ADNP: variants seen among roughly 807,000 people sequenced by gnomAD.
ADNP encodes activity-dependent neuroprotector homeobox protein.
A neutral mutation model predicts 84.9 loss-of-function variants in ADNP; 4 were observed. The ratio of observed to expected loss-of-function variants is 0.05; its 90% CI spans 0.02 to 0.11. ADNP has a LOEUF of 0.11. ADNP is among the 10% of genes least tolerant of loss of function. The pLI, the probability that ADNP is intolerant of heterozygous loss-of-function variation, is 1.00. For missense variants in ADNP, 1,132 were observed against 1,326.0 expected (o/e 0.85, Z 2.27); for synonymous variants, 554 against 468.1 (o/e 1.18, Z -2.37).
At chr20:50,914,136 T>C (rs1262066026) in intron 2 of ADNP, 2 of 770,094 alleles carry the variant, frequency 2.6e-6, no homozygotes, top group East Asian at 4.9e-5. Context: ...GTAAGGATCA[T>C]TATGAGGCTA....
In ADNP at chr20:50,892,083, G is replaced by A. The variant is rs761053005; in HGVS notation, c.2631C>T (p.Asp877=). The A allele has an allele frequency of 6.9e-5, 111 of 1,614,008 alleles. No homozygotes were observed. The highest frequency in any genetic ancestry group is 9.2e-5 in the Non-Finnish European group (109 of 1,180,036). The change falls in exon 6 of 6, where the codon GAC becomes GAT. Residue 877 remains aspartate, a synonymous_variant. Transcript: ENST00000621696. ...ATTCTTCTTCCAAATTTTCAAAACTGTCTGAGGAACTGTCATCTTCCTTCC... is the reference window on the plus strand; with the variant it reads ...ATTCTTCTTCCAAATTTTCAAAACTATCTGAGGAACTGTCATCTTCCTTCC... The part of the protein sequence containing the change: ...NLGKEDDSSS[D]SFENLEEESN...
intron 2 of ADNP, among the ~76,000 whole-genome samples, chr20:50,919,695 G>T (rs1212241735): frequency 6.6e-6 from 1 of 152,180 alleles, no homozygotes; most frequent in Non-Finnish European, 1.5e-5. Flanking sequence ...CTGAGTTGGG[G>T]CCATTAACTT....
At chr20:50,898,425 C>T (rs1600945074) in intron 5 of ADNP, among the ~76,000 whole-genome samples, 1 of 152,198 alleles carries the variant, frequency 6.6e-6, no homozygotes, top group Non-Finnish European at 1.5e-5. Context: ...TGTGTCTGCT[C>T]TTCAATCCAG....
intron 2 of ADNP, among the ~76,000 whole-genome samples, chr20:50,920,833 A>G (rs985192433): frequency 1.3e-5 from 2 of 152,236 alleles, no homozygotes; most frequent in African/African-American, 4.8e-5. Flanking sequence ...CCTATCAGCC[A>G]TATGTAAAAA....
At chr20:50,930,643 C>A (rs538103266) in intron 1 of ADNP, among the ~76,000 whole-genome samples, 183 bp downstream of exon 1, 184 of 152,106 alleles carry the variant, frequency 1.2e-3, no homozygotes, top group African/African-American at 4.2e-3. Context: ...GCGGTCCGTG[C>A]CGGGACGGGG....
At chr20:50,912,613 C>T (rs756366772) in intron 2 of ADNP, among the ~76,000 whole-genome samples, 9 of 152,162 alleles carry the variant, frequency 5.9e-5, no homozygotes, top group African/African-American at 7.2e-5. Context: ...AAGCCCATGA[C>T]GCAAATTTAT....
chr20:50,914,563 C>T (rs765260849), intron 2 of ADNP, among the ~76,000 whole-genome samples: 13 of 152,208 alleles, frequency 8.5e-5, no homozygotes, highest in East Asian at 1.9e-4. Context: ...TCTAAACTTA[C>T]GGCTTGCTTT....
At chr20:50,913,027 G>C (rs1415744135) in intron 2 of ADNP, among the ~76,000 whole-genome samples, 3 of 151,888 alleles carry the variant, frequency 2.0e-5, no homozygotes, top group Non-Finnish European at 4.4e-5. Context: ...CAAGGAGGGT[G>C]ATCACTTGAG....
chr20:50,893,079 A>G lies in ADNP; in HGVS notation c.1635T>C (p.Asp545=), dbSNP rs920434905. 4.3e-6 allele frequency: 7 copies of G among 1,614,112 alleles called. No individual in the cohort carries two copies. Among genetic ancestry groups the G allele is most frequent in the Non-Finnish European group, 5.9e-6 (7 of 1,180,052 alleles). ...HIDEEMGPKT[D]STLSFDLTLQ... ...ATGTCAAATCAAAACTCAAAGTAGA[A>G]TCTGTTTTAGGTCCCATCTCTTCAT... Residue 545 remains aspartate (D), a synonymous_variant, in exon 6 of 6, where the codon GAT becomes GAC. Coordinates refer to ENST00000621696, the MANE Select transcript of ADNP (RefSeq NM_001282531.3). This position sits in a 1 kb window ranked among gnomAD's most constrained non-coding sequence, Gnocchi z 4.4.
chr20:50,899,889 G>A (rs1309017165), intron 5 of ADNP, among the ~76,000 whole-genome samples: 1 of 103,636 alleles, frequency 9.6e-6, no homozygotes, highest in African/African-American at 6.6e-5. Flanking sequence ...TTTTTTTTTG[G>A]AGCGGTAGCA....
rs895063065 is a variant in ADNP at position 50,889,479 on chromosome 20, ATTCCTTAAAGG to A, written c.*1915_*1925del. On this transcript the variant is annotated 3_prime_UTR_variant, in exon 6 of 6. Transcript: ENST00000621696. ...CAACATAGCTCCGTTCCAGCCCCAA[ATTCCTTAAAGG>A]TTCTAGTCTACTCTTGCACTTCTTC... 1 of 168,612 alleles carries A rather than the reference ATTCCTTAAAGG, an allele frequency of 5.9e-6. No homozygotes were observed. Among genetic ancestry groups the A allele is most frequent in the Non-Finnish European group, 1.3e-5 (1 of 79,104 alleles). 10.4% of individuals were successfully genotyped at this position (168,612 alleles called of 1,614,324 possible).
At position 50,904,082 on chromosome 20, in the gene ADNP, TA is replaced by T. The variant is rs560561711; in HGVS notation, c.-5-82del. On this transcript the variant is annotated intron_variant, in intron 3 of 5. Transcript: ENST00000621696. ...ACTAATTCCACTGATGATAGGATCATAAAACCTACCCATCTGACAAAAAAGG... is the reference window on the plus strand; with the variant it reads ...ACTAATTCCACTGATGATAGGATCATAAACCTACCCATCTGACAAAAAAGG... 347 of 1,075,188 alleles carry T rather than the reference TA, an allele frequency of 3.2e-4. 1 individual carries two copies. The highest frequency in any genetic ancestry group is 4.2e-4 in the Non-Finnish European group (306 of 727,152). 66.6% of individuals were successfully genotyped at this position (1,075,188 alleles called of 1,614,324 possible).
chr20:50,930,436 G>C (rs1458011947), intron 1 of ADNP, among the ~76,000 whole-genome samples: 1 of 147,434 alleles, frequency 6.8e-6, no homozygotes, highest in African/African-American at 2.5e-5. Context: ...TGTGCGTGGG[G>C]GGGCTCCTTT....
Position 50,902,008 on chromosome 20 carries a change from G to A in ADNP, c.201+9C>T. The A allele has an allele frequency of 6.2e-7, 1 of 1,601,134 alleles. No homozygotes were observed. On this transcript the variant is annotated intron_variant, in intron 5 of 5. Coordinates refer to ENST00000621696, the MANE Select transcript of ADNP (RefSeq NM_001282531.3). Reference sequence around the variant, plus strand: ...GCTGCCATCTGAGGAAGTCTCCTGTGCCACTTACCTGGTTTTTCGTAAGTG... The same window carrying A: ...GCTGCCATCTGAGGAAGTCTCCTGTACCACTTACCTGGTTTTTCGTAAGTG...
intron 2 of ADNP, among the ~76,000 whole-genome samples, chr20:50,920,262 C>CAAAAAAAAAAAAAAAAA (rs56181933): frequency 4.6e-5 from 3 of 64,546 alleles, no homozygotes; most frequent in Non-Finnish European, 8.4e-5. Flanking sequence ...ATTCCACCTC[C>CAAAAAAAAAAAAAAAAA]AAAAAAAAAA....
intron 5 of ADNP, among the ~76,000 whole-genome samples, chr20:50,901,065 G>A (rs541441557): frequency 3.3e-5 from 5 of 152,258 alleles, no homozygotes; most frequent in Admixed American, 3.3e-4. Flanking sequence ...TAACACCTAT[G>A]CAGTCAGTCC....
chr20:50,909,386 AAAAAAAAG>A (rs1456497272), intron 2 of ADNP: 2 of 147,270 alleles, frequency 1.4e-5, no homozygotes, highest in African/African-American at 5.0e-5. Flanking sequence ...AAAAAAAAAA[AAAAAAAAG>A]AAATCAGATG....
chr20:50,891,267 C>T lies in ADNP; in HGVS notation c.*138G>A, dbSNP rs1340210474. The T allele has an allele frequency of 7.0e-7, 1 of 1,421,218 alleles. No homozygotes were observed. The highest frequency in any genetic ancestry group is 9.1e-7 in the Non-Finnish European group (1 of 1,094,276). The allele number at this position is 1,421,218 out of a possible 1,614,324, so 88.0% of individuals were successfully genotyped here. On this transcript the variant is annotated 3_prime_UTR_variant, in exon 6 of 6. Coordinates refer to ENST00000621696, the MANE Select transcript of ADNP (RefSeq NM_001282531.3). ...CCTGTCATAGACTTAGAAATAACCA[C>T]TGGAACTGCAGCGGCCACATGCCCC...
At chr20:50,903,201 C>G (rs1043934788) in intron 4 of ADNP, among the ~76,000 whole-genome samples, 1 of 152,072 alleles carries the variant, frequency 6.6e-6, no homozygotes, top group African/African-American at 2.4e-5. Context: ...TCTTTTCAAT[C>G]AGGGGCTCTG....
Sources: allele counts gnomAD v4.1 joint callset (sites outside exome capture counted in the v4.1 genomes callset), GRCh38; gene constraint gnomAD v4.1.1; non-coding constraint Gnocchi (gnomAD v3.1); transcripts MANE v1.5; gene names NCBI Gene and HGNC (gene_info 2026-07-23, HGNC 2026-07-21).